RIMS2: variants seen among roughly 807,000 people sequenced by gnomAD.
RIMS2 encodes the protein regulating synaptic membrane exocytosis 2.
Under a neutral mutation model 174.4 loss-of-function variants are expected in RIMS2, and 59 were observed. That is an observed-to-expected ratio of 0.34 (90% CI 0.27 to 0.42). The LOEUF is 0.42. RIMS2 is among the 10% of genes least tolerant of loss of function. RIMS2 has a pLI of 1.00. For synonymous variants in RIMS2, 606 were observed against 572.5 expected (o/e 1.06, Z -0.84); for missense variants, 1,620 against 1,666.3 (o/e 0.97, Z 0.48).
intron 14 of RIMS2, among the ~76,000 whole-genome samples, chr8:103,943,727 A>G (rs768849229): frequency 2.0e-5 from 3 of 152,070 alleles, no homozygotes; most frequent in East Asian, 3.9e-4. Context: ...TGAATCTACT[A>G]TTGGAGACTG....
intron 2 of RIMS2, among the ~76,000 whole-genome samples, chr8:103,719,107 C>T (rs1368191340): frequency 6.8e-6 from 1 of 146,326 alleles, no homozygotes; most frequent in Non-Finnish European, 1.5e-5. Flanking sequence ...GCTGGGAGGT[C>T]ATAAGTTAAA....
chr8:103,589,959 A>T (rs1249155535), intron 1 of RIMS2, among the ~76,000 whole-genome samples: 1 of 151,128 alleles, frequency 6.6e-6, no homozygotes, highest in Non-Finnish European at 1.5e-5. Flanking sequence ...CTCTAGGGGG[A>T]GGTGGGAATG....
At chr8:104,121,790 C>T (rs371785329) in intron 19 of RIMS2, among the ~76,000 whole-genome samples, 3 of 151,778 alleles carry the variant, frequency 2.0e-5, no homozygotes, top group African/African-American at 4.8e-5. Flanking sequence ...GGTGAAACCT[C>T]GTCTCTACTA....
At chr8:104,013,531 G>A (rs2095821302) in exon 18 of RIMS2, 1 of 1,613,832 alleles carries the variant, frequency 6.2e-7, no homozygotes, top group African/African-American at 1.3e-5. Flanking sequence ...ACCCGCTCCA[G>A]ATCCACTGAA....
intron 1 of RIMS2, among the ~76,000 whole-genome samples, chr8:103,632,554 G>T (rs2095957291): frequency 6.6e-6 from 1 of 151,740 alleles, no homozygotes; most frequent in Admixed American, 6.6e-5. Flanking sequence ...CTGAGTAGCT[G>T]GGCTTACAGG....
intron 1 of RIMS2, among the ~76,000 whole-genome samples, chr8:103,533,661 C>CAAA (rs34355378): frequency 2.4e-3 from 156 of 65,640 alleles, no homozygotes; most frequent in Middle Eastern, 8.3e-3. Context: ...GACCCTGTCT[C>CAAA]AAAAAAAAAA....
At chr8:103,606,139 G>C (rs1312112181) in intron 1 of RIMS2, among the ~76,000 whole-genome samples, 16 of 144,286 alleles carry the variant, frequency 1.1e-4, no homozygotes, top group South Asian at 4.6e-4. Flanking sequence ...TGGGCATTTA[G>C]TGCTATAAAT....
chr8:103,948,932 C>T (rs1203050032), intron 14 of RIMS2, among the ~76,000 whole-genome samples: 1 of 151,014 alleles, frequency 6.6e-6, no homozygotes, highest in Non-Finnish European at 1.5e-5. Context: ...TCGAGACCAA[C>T]CTGTACAACA....
At chr8:103,779,257 T>C (rs2098357057) in intron 3 of RIMS2, among the ~76,000 whole-genome samples, 1 of 152,148 alleles carries the variant, frequency 6.6e-6, no homozygotes, top group Non-Finnish European at 1.5e-5. Flanking sequence ...CTTGATAGAA[T>C]CCCATTTGTC....
chr8:103,813,261 A>G (rs1443452543), intron 3 of RIMS2, among the ~76,000 whole-genome samples: 1 of 152,198 alleles, frequency 6.6e-6, no homozygotes, highest in African/African-American at 2.4e-5. Context: ...ATTAATTCAG[A>G]CGAGCATAAC....
intron 1 of RIMS2, among the ~76,000 whole-genome samples, chr8:103,556,357 G>A (rs940903987): frequency 6.6e-6 from 1 of 152,044 alleles, no homozygotes; most frequent in Non-Finnish European, 1.5e-5. Context: ...TGTAAAGCTT[G>A]ATCCAAAATA....
intron 19 of RIMS2, among the ~76,000 whole-genome samples, chr8:104,124,797 A>G (rs1289837601): frequency 1.3e-5 from 2 of 152,198 alleles, no homozygotes; most frequent in Non-Finnish European, 2.9e-5. Context: ...CTTTGCCAAA[A>G]GAGAAGCAGA....
chr8:104,072,187 G>A (rs1052997695), intron 19 of RIMS2, among the ~76,000 whole-genome samples: 1 of 152,084 alleles, frequency 6.6e-6, no homozygotes, highest in African/African-American at 2.4e-5. Flanking sequence ...CCTCTGATAT[G>A]TCAAAGAGAA....
chr8:104,011,533 C>A (rs2095762068), intron 17 of RIMS2, among the ~76,000 whole-genome samples: 1 of 152,030 alleles, frequency 6.6e-6, no homozygotes, highest in Non-Finnish European at 1.5e-5. Context: ...CATAGCAACA[C>A]ATTTAAAATA....
intron 19 of RIMS2, among the ~76,000 whole-genome samples, chr8:104,146,133 G>A (rs1317568489): frequency 1.4e-5 from 2 of 144,336 alleles, no homozygotes; most frequent in Non-Finnish European, 3.0e-5. Flanking sequence ...GAGAGGATCA[G>A]GAGAGAGGAT....
At chr8:103,786,858 G>T (rs868529829) in intron 3 of RIMS2, among the ~76,000 whole-genome samples, 1 of 152,066 alleles carries the variant, frequency 6.6e-6, no homozygotes, top group African/African-American at 2.4e-5. Context: ...TCTGTCTAAT[G>T]TTGACAGTGG....
chr8:104,226,931 T>G (rs1323934752), intron 19 of RIMS2, among the ~76,000 whole-genome samples: 1 of 152,232 alleles, frequency 6.6e-6, no homozygotes. Context: ...TTTAATATGC[T>G]ATGGTCTTGA....
rs146462029 is a variant in RIMS2, at chr8:103,914,954, G to A, written c.1813-541G>A. ...TAGAAACATAAAAATGAAAAATTGG[G>A]ATTCAGATGGTCTGAATTTTATGTT... On this transcript the variant is annotated intron_variant, in intron 6 of 23. Coordinates refer to ENST00000504942, the Ensembl canonical transcript of RIMS2. Among the ~76,000 whole-genome samples, 1,296 of 152,026 alleles carry A rather than the reference G, an allele frequency of 8.5e-3. 19 individuals carry two copies. The highest frequency in any genetic ancestry group is 0.029 in the African/African-American group (1,224 of 41,496).
At chr8:103,920,777 C>CA (rs1226017848) in intron 9 of RIMS2, 1 of 444,538 alleles carries the variant, frequency 2.2e-6, no homozygotes, top group African/African-American at 2.0e-5. Context: ...ATCACGAGGT[C>CA]AGGAGATCGA....
Sources: gnomAD v4.1 joint callset for allele counts (sites outside exome capture counted in the v4.1 genomes callset) on GRCh38, gnomAD v4.1.1 for gene constraint, MANE v1.5 for transcripts, NCBI Gene and HGNC (gene_info 2026-07-23, HGNC 2026-07-21) for gene names.